The following BICRA variants were observed in gnomAD, a reference collection of about 807,000 sequenced individuals.
The protein encoded by BICRA is BRD4-interacting chromatin-remodeling complex-associated protein.
In BICRA, 31 loss-of-function variants were observed where a neutral mutation model predicts 96.9. That is an observed-to-expected ratio of 0.32 (90% CI 0.24 to 0.43). The LOEUF is 0.43. Among genes scored for constraint, BICRA ranks in the 20% least tolerant of loss-of-function variants. The probability of loss-of-function intolerance (pLI) is 1.00; values close to 1 mark genes in which losing one functional copy is unlikely to be tolerated. For synonymous variants in BICRA, 1,350 were observed against 1,071.8 expected (o/e 1.26, Z -5.07); for missense variants, 2,283 against 2,190.3 (o/e 1.04, Z -0.84).
At chr19:47,640,373 T>C (rs116992561) in intron 1 of BICRA, among the ~76,000 whole-genome samples, 4,430 of 151,644 alleles carry the variant, frequency 0.029, 119 homozygotes, top group South Asian at 0.076. Context: ...CTACTAAAAA[T>C]AGAAAAATCA....
At chr19:47,610,877 TG>T in intron 1 of BICRA, among the ~76,000 whole-genome samples, 1 of 152,236 alleles carries the variant, frequency 6.6e-6, no homozygotes, top group East Asian at 1.9e-4. Context: ...TCCCATGCAC[TG>T]GTAGGACTTT....
chr19:47,629,228 C>T (rs1053654219), intron 1 of BICRA, among the ~76,000 whole-genome samples: 1 of 152,060 alleles, frequency 6.6e-6, no homozygotes, highest in African/African-American at 2.4e-5. Context: ...TAGTCTCAAT[C>T]TCCTGACCTC....
intron 4 of BICRA, among the ~76,000 whole-genome samples, 164 bp downstream of exon 4, chr19:47,673,926 C>G (rs771312364): frequency 6.6e-6 from 1 of 152,138 alleles, no homozygotes; most frequent in Non-Finnish European, 1.5e-5. Context: ...TGGTAATCCC[C>G]TGTCCTCCTT....
intron 6 of BICRA, among the ~76,000 whole-genome samples, chr19:47,681,708 G>C (rs2123589852): frequency 6.6e-6 from 1 of 152,250 alleles, no homozygotes; most frequent in East Asian, 1.9e-4. Context: ...ATCTCAGAGA[G>C]AAAGTGGACG....
intron 1 of BICRA, among the ~76,000 whole-genome samples, chr19:47,655,147 C>T (rs1407011568): frequency 2.0e-5 from 3 of 152,160 alleles, no homozygotes; most frequent in Non-Finnish European, 4.4e-5. Context: ...TTCTTATTCT[C>T]TTACTATAAA....
rs910282287 is a variant in BICRA at position 47,698,668 on chromosome 19, G to A, written c.3283G>A (p.Val1095Ile). The A allele has an allele frequency of 4.0e-6, 6 of 1,514,964 alleles. No individual in the cohort carries two copies. The highest frequency in any genetic ancestry group is 2.5e-5 in the East Asian group (1 of 39,348). 93.8% of individuals were successfully genotyped at this position (1,514,964 alleles called of 1,614,324 possible). A position where few individuals can be genotyped will look rare whatever the true frequency, so the allele number is the denominator to read the frequency against. ...LEHLHKHQGS[V>I]LHPDYKTAFP... ...GCATTTGCACAAACACCAGGGCTCC[G>A]TCCTGCACCCCGACTACAAGACGGC... Residue 1095 changes from valine to isoleucine, a missense_variant, in exon 12 of 15, where the codon GTC (valine) becomes ATC (isoleucine). Physicochemically the swap from Val to Ile is conservative, Grantham distance 29. Coordinates refer to ENST00000594866, the MANE Select transcript of BICRA (RefSeq NM_001394372.1). This position sits in a 1 kb window ranked among gnomAD's most constrained non-coding sequence, Gnocchi z 4.8.
In BICRA at chr19:47,609,187, A is replaced by G. The variant is rs1971855125; in HGVS notation, c.-108+19A>G. ...CATCAGGGTGAGTTTCTCACAATGT[A>G]GCAATTTCTCTTTAAATCTCTTAAC... is the stretch of plus-strand genomic sequence containing the variant. On this transcript the variant is annotated intron_variant, in intron 1 of 14. Coordinates refer to ENST00000594866, the MANE Select transcript of BICRA (RefSeq NM_001394372.1). The G allele has an allele frequency of 6.7e-6, 1 of 149,748 alleles. No homozygotes were observed. The highest frequency in any genetic ancestry group is 1.5e-5 in the Non-Finnish European group (1 of 67,474). The allele number at this position is 149,748 out of a possible 1,614,324, so 9.3% of individuals were successfully genotyped here. A position where few individuals can be genotyped will look rare whatever the true frequency, so the allele number is the denominator to read the frequency against.
chr19:47,612,543 C>G (rs1457466183), intron 1 of BICRA, among the ~76,000 whole-genome samples: 1 of 152,206 alleles, frequency 6.6e-6, no homozygotes, highest in African/African-American at 2.4e-5. Flanking sequence ...CACGCACCCT[C>G]TGAGCGCTTT....
At chr19:47,668,183 T>A (rs916371213) in intron 1 of BICRA, among the ~76,000 whole-genome samples, 1 of 152,128 alleles carries the variant, frequency 6.6e-6, no homozygotes, top group African/African-American at 2.4e-5. Context: ...TGAGCCGAGA[T>A]CGCGTCATTG....
intron 1 of BICRA, among the ~76,000 whole-genome samples, chr19:47,648,550 C>G (rs562354830): frequency 6.6e-6 from 1 of 151,638 alleles, no homozygotes; most frequent in Non-Finnish European, 1.5e-5. Flanking sequence ...GGGCTTGTGA[C>G]TACAGACGGC....
chr19:47,701,651 G>C lies in BICRA; in HGVS notation c.3919G>C (p.Gly1307Arg). ...GACCTACGAGGCCCGGAGCCGCATC[G>C]GGCTCAAGCTCAAGATCAAGCAGGA... ...IKTYEARSRI[G>R]LKLKIKQEAG... The change falls in exon 15 of 15, where the codon GGG becomes CGG. Residue 1307 changes from glycine to arginine, a missense_variant. Transcript: ENST00000594866. The surrounding 1 kb of genome is among the most constrained non-coding windows in gnomAD (Gnocchi z 5.4). The C allele has an allele frequency of 1.3e-6, 2 of 1,597,792 alleles. No homozygotes were observed. Among genetic ancestry groups the C allele is most frequent in the Non-Finnish European group, 8.5e-7 (1 of 1,173,532 alleles).
intron 1 of BICRA, among the ~76,000 whole-genome samples, chr19:47,626,717 G>GT (rs35347398): frequency 0.28 from 28,335 of 101,090 alleles, 4,232 homozygotes; most frequent in Non-Finnish European, 0.33. Context: ...TGCATCCTGG[G>GT]TTTTTTTTTT....
intron 1 of BICRA, among the ~76,000 whole-genome samples, chr19:47,633,615 G>T (rs1351732028): frequency 6.6e-6 from 1 of 152,182 alleles, no homozygotes; most frequent in African/African-American, 2.4e-5. Context: ...AAATAATAGA[G>T]TAGAGATGGG....
chr19:47,652,964 G>T (rs539229839), intron 1 of BICRA, among the ~76,000 whole-genome samples: 6 of 150,190 alleles, frequency 4.0e-5, no homozygotes, highest in Non-Finnish European at 8.8e-5. Context: ...TTTCCATGTA[G>T]CAGTAGTCTG....
At chr19:47,635,381 G>A (rs1329636846) in intron 1 of BICRA, among the ~76,000 whole-genome samples, 3 of 151,850 alleles carry the variant, frequency 2.0e-5, no homozygotes, top group East Asian at 1.9e-4. Flanking sequence ...TCAAGTAGGC[G>A]GGACTACAGG....
chr19:47,660,453 G>T (rs1972687517), intron 1 of BICRA, among the ~76,000 whole-genome samples: 1 of 152,142 alleles, frequency 6.6e-6, no homozygotes, highest in Non-Finnish European at 1.5e-5. Context: ...ACAGGTTCTG[G>T]GATGTTTACA....
At chr19:47,645,807 G>T (rs1972450863) in intron 1 of BICRA, among the ~76,000 whole-genome samples, 1 of 152,180 alleles carries the variant, frequency 6.6e-6, no homozygotes, top group Non-Finnish European at 1.5e-5. Flanking sequence ...GAGAGCTGAA[G>T]ACTGAGATTC....
At chr19:47,689,977 G>C (rs1973216680) in intron 7 of BICRA, among the ~76,000 whole-genome samples, 1 of 152,074 alleles carries the variant, frequency 6.6e-6, no homozygotes, top group Non-Finnish European at 1.5e-5. Flanking sequence ...CGAAGCTGCA[G>C]GAAACAACTT....
chr19:47,678,734 T>C (rs929784387), intron 5 of BICRA, among the ~76,000 whole-genome samples: 2 of 137,920 alleles, frequency 1.5e-5, no homozygotes, highest in Admixed American at 7.3e-5. Context: ...CCTTGAACAG[T>C]AGTTTTTTTT....
Sources: gnomAD v4.1 joint callset for allele counts (sites outside exome capture counted in the v4.1 genomes callset) on GRCh38, gnomAD v4.1.1 for gene constraint, Gnocchi (gnomAD v3.1) non-coding constraint, MANE v1.5 for transcripts, NCBI Gene and HGNC (gene_info 2026-07-23, HGNC 2026-07-21) for gene names.